The following CLCA4 variants were observed in gnomAD, a reference collection of about 807,000 sequenced individuals.
CLCA4 encodes chloride channel accessory 4, also known as calcium-activated chloride channel regulator 4.
A neutral mutation model predicts 78.9 loss-of-function variants in CLCA4; 69 were observed. The observed-to-expected ratio is 0.87, with a 90% CI of 0.72 to 1.07. The LOEUF (loss-of-function observed/expected upper bound fraction) is 1.07, where lower values mean the gene tolerates loss of function less well. Ranked by LOEUF, CLCA4 falls within the 50% of genes least tolerant of loss-of-function variation. CLCA4 has a pLI of 0.00. For synonymous variants in CLCA4, 362 were observed against 375.8 expected (o/e 0.96, Z 0.42); for missense variants, 1,133 against 1,095.8 (o/e 1.03, Z -0.48).
intron 2 of CLCA4, 66 bp downstream of exon 2, chr1:86,560,138 A>C: frequency 6.4e-7 from 1 of 1,560,042 alleles, no homozygotes; most frequent in South Asian, 1.2e-5. Flanking sequence ...GCCACAAATT[A>C]TTTAAGAGTC....
chr1:86,567,701 A>G (rs761102142), intron 7 of CLCA4, 50 bp downstream of exon 7: 4 of 1,464,408 alleles, frequency 2.7e-6, no homozygotes, highest in Admixed American at 3.5e-5. Context: ...TTTTCAGGAC[A>G]TTTTCATGTT....
intron 3 of CLCA4, among the ~76,000 whole-genome samples, chr1:86,562,168 G>A (rs1000091891): frequency 6.6e-6 from 1 of 152,214 alleles, no homozygotes; most frequent in African/African-American, 2.4e-5. Context: ...AGACAATGAT[G>A]TAGACAGGAA....
At chr1:86,554,109 A>G (rs1156618918) in intron 1 of CLCA4, among the ~76,000 whole-genome samples, 1 of 152,030 alleles carries the variant, frequency 6.6e-6, no homozygotes, top group Admixed American at 6.6e-5. Flanking sequence ...CTAGTACCCA[A>G]TATTATCTTT....
At chr1:86,554,062 T>C (rs1378351693) in intron 1 of CLCA4, among the ~76,000 whole-genome samples, 3 of 151,840 alleles carry the variant, frequency 2.0e-5, no homozygotes, top group African/African-American at 7.3e-5. Context: ...GCCATGGGGG[T>C]TTGTTGTACA....
At chr1:86,576,637 G>A (rs973163022) in intron 11 of CLCA4, among the ~76,000 whole-genome samples, 6 of 152,096 alleles carry the variant, frequency 3.9e-5, no homozygotes, top group African/African-American at 1.4e-4. Context: ...GTGATTAAGT[G>A]ATAGAGCTTG....
rs372022748 is a variant in CLCA4, at chr1:86,558,384, G to T, written c.160-1548G>T. 7.9e-5 allele frequency among the ~76,000 whole-genome samples: 12 copies of T among 152,188 alleles called. No individual in the cohort carries two copies. In the South Asian group the frequency reaches 8.3e-4, roughly 11 times the overall value. On this transcript the variant is annotated intron_variant, in intron 1 of 13. Coordinates refer to ENST00000370563, the MANE Select transcript of CLCA4 (RefSeq NM_012128.4). ...TTTAGTGCTTCTTTCAAGATCTCTTGTCAGGCAGGTCTGGTGGTAATGAAT... is the reference window on the plus strand; with the variant it reads ...TTTAGTGCTTCTTTCAAGATCTCTTTTCAGGCAGGTCTGGTGGTAATGAAT...
intron 3 of CLCA4, 92 bp downstream of exon 3, chr1:86,560,450 C>A: frequency 1.5e-6 from 2 of 1,309,130 alleles, no homozygotes; most frequent in Non-Finnish European, 2.1e-6. Flanking sequence ...GCCAAAGTCC[C>A]TAGAATCAAA....
chr1:86,547,430 C>A, intron 1 of CLCA4, 152 bp downstream of exon 1: 1 of 565,370 alleles, frequency 1.8e-6, no homozygotes, highest in Non-Finnish European at 2.9e-6. Context: ...TTAGCATATT[C>A]AGCAACTCAA....
At chr1:86,551,707 A>G (rs1570317616) in intron 1 of CLCA4, among the ~76,000 whole-genome samples, 1 of 152,200 alleles carries the variant, frequency 6.6e-6, no homozygotes, top group Non-Finnish European at 1.5e-5. Flanking sequence ...CTTCAGGAAC[A>G]CCGCCTGTCA....
intron 7 of CLCA4, among the ~76,000 whole-genome samples, chr1:86,568,813 T>C (rs922566628): frequency 6.6e-6 from 1 of 151,994 alleles, no homozygotes; most frequent in Non-Finnish European, 1.5e-5. Flanking sequence ...CTCCTTCATG[T>C]AGCTTCCCAT....
At chr1:86,566,055 A>C in intron 6 of CLCA4, 35 bp downstream of exon 6, 1 of 1,568,634 alleles carries the variant, frequency 6.4e-7, no homozygotes, top group African/African-American at 1.4e-5. Context: ...GGGATGTAGG[A>C]TATTTGAAGA....
intron 1 of CLCA4, among the ~76,000 whole-genome samples, chr1:86,550,791 A>G (rs533496146): frequency 2.6e-4 from 40 of 151,226 alleles, no homozygotes; most frequent in African/African-American, 8.7e-4. Flanking sequence ...TTTCATCCTT[A>G]TATTTCCTCA....
rs958308556 is a variant in CLCA4 at position 86,567,308 on chromosome 1, A to T, written c.955-116A>T. On this transcript the variant is annotated intron_variant, in intron 6 of 13. Transcript: ENST00000370563. Reference sequence around the variant, plus strand: ...TTTGATAATTGCTTCCTTTAACAACATCAATTACCATTCATAGAAAATGTT... The same window carrying T: ...TTTGATAATTGCTTCCTTTAACAACTTCAATTACCATTCATAGAAAATGTT... 2.2e-5 allele frequency: 19 copies of T among 881,624 alleles called. No individual in the cohort carries two copies. In the Admixed American group the frequency reaches 5.6e-4, roughly 26 times the overall value. The allele number at this position is 881,624 out of a possible 1,614,324, so 54.6% of individuals were successfully genotyped here.
chr1:86,565,289 C>A lies in CLCA4; in HGVS notation c.573C>A (p.Ile191=), dbSNP rs781530679. Residue 191 remains isoleucine, a synonymous_variant, in exon 5 of 14, where the codon ATC becomes ATA. Coordinates refer to ENST00000370563, the MANE Select transcript of CLCA4 (RefSeq NM_012128.4). ...ATATTTTCAGGTGTTCCGCAGGTATCTCTGGTAGAAATAGAGTTTATAAGT... is the reference window on the plus strand; with the variant it reads ...ATATTTTCAGGTGTTCCGCAGGTATATCTGGTAGAAATAGAGTTTATAAGT... The part of the protein sequence containing the change: ...KIEATRCSAG[I]SGRNRVYKCQ... The A allele has an allele frequency of 3.8e-6, 6 of 1,595,644 alleles. No individual in the cohort carries two copies. The highest frequency in any genetic ancestry group is 5.1e-6 in the Non-Finnish European group (6 of 1,173,128).
At position 86,565,798 on chromosome 1, in the gene CLCA4, T is replaced by A. The variant is rs776312652; in HGVS notation, c.736-4T>A. The A allele has an allele frequency of 6.7e-7, 1 of 1,490,958 alleles. No individual in the cohort carries two copies. Among genetic ancestry groups the A allele is most frequent in the African/African-American group, 1.4e-5 (1 of 70,714 alleles). 92.4% of individuals were successfully genotyped at this position (1,490,958 alleles called of 1,614,324 possible). Reference sequence around the variant, plus strand: ...AATTATTTTTTATTTTATTAACCTTTTAGGTTGTTGAATTTTGTAACGAAA... The same window carrying A: ...AATTATTTTTTATTTTATTAACCTTATAGGTTGTTGAATTTTGTAACGAAA... On this transcript the variant is annotated splice_polypyrimidine_tract_variant and splice_region_variant and intron_variant, in intron 5 of 13. Coordinates refer to ENST00000370563, the MANE Select transcript of CLCA4 (RefSeq NM_012128.4).
chr1:86,553,880 A>T (rs1649748236), intron 1 of CLCA4, among the ~76,000 whole-genome samples: 1 of 152,132 alleles, frequency 6.6e-6, no homozygotes, highest in Non-Finnish European at 1.5e-5. Context: ...AGGTTGCAGT[A>T]AGCCAAGATT....
chr1:86,561,260 T>G (rs1650008848), intron 3 of CLCA4, among the ~76,000 whole-genome samples: 1 of 152,222 alleles, frequency 6.6e-6, no homozygotes, highest in Non-Finnish European at 1.5e-5. Flanking sequence ...TGTGCCCTTT[T>G]AGTTATACTT....
At chr1:86,548,960 T>C (rs1382500734) in intron 1 of CLCA4, among the ~76,000 whole-genome samples, 1 of 152,160 alleles carries the variant, frequency 6.6e-6, no homozygotes, top group Non-Finnish European at 1.5e-5. Flanking sequence ...ACTCATTTGT[T>C]CTTTAAAGAA....
chr1:86,571,662 C>T (rs1026576763), intron 8 of CLCA4, among the ~76,000 whole-genome samples: 2 of 151,856 alleles, frequency 1.3e-5, no homozygotes, highest in Non-Finnish European at 2.9e-5. Flanking sequence ...AAAAACATCA[C>T]GTTGGGGTGA....
Sources: allele counts gnomAD v4.1 joint callset (sites outside exome capture counted in the v4.1 genomes callset), GRCh38; gene constraint gnomAD v4.1.1; transcripts MANE v1.5; gene names NCBI Gene and HGNC (gene_info 2026-07-23, HGNC 2026-07-21).